TMEM255B: variants seen among roughly 807,000 people sequenced by gnomAD.
TMEM255B encodes the protein transmembrane protein 255B.
A neutral mutation model predicts 34.5 loss-of-function variants in TMEM255B; 35 were observed. That is an observed-to-expected ratio of 1.01 (90% CI 0.77 to 1.34). The LOEUF is 1.34. TMEM255B is among the 40% of genes most tolerant of loss of function. The pLI, the probability that TMEM255B is intolerant of heterozygous loss-of-function variation, is 0.00. For missense variants in TMEM255B, 432 were observed against 433.2 expected (o/e 1.00, Z 0.02); for synonymous variants, 206 against 201.2 (o/e 1.02, Z -0.20).
At chr13:113,774,441 G>A (rs1276293514) in intron 3 of TMEM255B, among the ~76,000 whole-genome samples, 4 of 152,170 alleles carry the variant, frequency 2.6e-5, no homozygotes, top group African/African-American at 7.2e-5. Flanking sequence ...ATGGGAAAGG[G>A]AAGGGCATAA....
At chr13:113,790,481 A>G (rs1197313973) in intron 3 of TMEM255B, among the ~76,000 whole-genome samples, 1 of 90,866 alleles carries the variant, frequency 1.1e-5, no homozygotes. Flanking sequence ...TAGACATCCT[A>G]GCACTGAACT....
At chr13:113,777,171 C>T (rs760163902) in intron 3 of TMEM255B, among the ~76,000 whole-genome samples, 11 of 152,238 alleles carry the variant, frequency 7.2e-5, no homozygotes, top group Middle Eastern at 3.4e-3. Context: ...GTGGCCACTC[C>T]GCAGGGAGTT....
chr13:113,801,782 C>T lies in TMEM255B; in HGVS notation c.639C>T (p.Thr213=), dbSNP rs140352522. Residue 213 remains threonine, a synonymous_variant, in exon 7 of 9, where the codon ACC becomes ACT. Coordinates refer to ENST00000375353, the MANE Select transcript of TMEM255B (RefSeq NM_182614.4). ...NVLGLFLGII[T]AAVLGAFKDM... ...TGGGCCTGTTCCTGGGCATCATCAC[C>T]GCCGCCGTCCTGGGGGCCTTCAAGG... is the stretch of plus-strand genomic sequence containing the variant. 7.5e-5 allele frequency: 121 copies of T among 1,611,720 alleles called. No individual in the cohort carries two copies. In the African/African-American group the frequency reaches 9.1e-4, roughly 12 times the overall value.
At chr13:113,804,053 A>T (rs2051117608) in intron 7 of TMEM255B, among the ~76,000 whole-genome samples, 1 of 151,556 alleles carries the variant, frequency 6.6e-6, no homozygotes, top group Non-Finnish European at 1.5e-5. Flanking sequence ...GGGCTGGGGA[A>T]GGTGGAGGGG....
intron 1 of TMEM255B, among the ~76,000 whole-genome samples, chr13:113,763,152 T>C (rs555004982): frequency 3.3e-5 from 5 of 152,300 alleles, no homozygotes; most frequent in African/African-American, 9.6e-5. Flanking sequence ...CCTCTGGTCA[T>C]GATCAAATGA....
intron 3 of TMEM255B, among the ~76,000 whole-genome samples, chr13:113,779,473 T>G (rs1216427595): frequency 6.6e-6 from 1 of 151,672 alleles, no homozygotes; most frequent in Non-Finnish European, 1.5e-5. Flanking sequence ...CTCTCTGTTT[T>G]GGGGGCGTAG....
At chr13:113,762,913 C>T (rs1408351279) in intron 1 of TMEM255B, among the ~76,000 whole-genome samples, 6 of 152,238 alleles carry the variant, frequency 3.9e-5, no homozygotes, top group South Asian at 4.1e-4. Flanking sequence ...CAACAAAATC[C>T]TTTGAGAAGG....
intron 1 of TMEM255B, among the ~76,000 whole-genome samples, chr13:113,765,694 C>G (rs954174649): frequency 6.6e-6 from 1 of 152,226 alleles, no homozygotes; most frequent in Non-Finnish European, 1.5e-5. Flanking sequence ...GCCCCCTCCC[C>G]CACTGGGTGT....
In TMEM255B at chr13:113,773,650, T is replaced by A. The variant is rs188389537; in HGVS notation, c.252+4490T>A. On this transcript the variant is annotated intron_variant, in intron 3 of 8. Coordinates refer to ENST00000375353, the MANE Select transcript of TMEM255B (RefSeq NM_182614.4). ...CAGGAGAGGCATTCTTCTGGGCTGA[T>A]GTTGTATGGTGAACCCATATTTCAC... Among the ~76,000 whole-genome samples the A allele has an allele frequency of 4.9e-3, 739 of 152,360 alleles. 10 individuals are homozygous for A. Among genetic ancestry groups the A allele is most frequent in the African/African-American group, 0.017 (699 of 41,582 alleles).
rs550664387 is a variant in TMEM255B, at chr13:113,759,371, G to A, written c.46+56G>A. Reference sequence around the variant, plus strand: ...TCCTGCGGGGGAGCGTGGGGACCCCGGGGCTGGGACTACAGGTCCCCGGCC... The same window carrying A: ...TCCTGCGGGGGAGCGTGGGGACCCCAGGGCTGGGACTACAGGTCCCCGGCC... On this transcript the variant is annotated intron_variant, in intron 1 of 8. Transcript: ENST00000375353. 652 of 1,225,540 alleles carry A rather than the reference G, an allele frequency of 5.3e-4. 13 individuals are homozygous for A. The South Asian group carries it at 0.019, about 36-fold the overall frequency. The allele number at this position is 1,225,540 out of a possible 1,614,324, so 75.9% of individuals were successfully genotyped here.
At chr13:113,779,404 A>C (rs2050632509) in intron 3 of TMEM255B, among the ~76,000 whole-genome samples, 1 of 152,198 alleles carries the variant, frequency 6.6e-6, no homozygotes, top group African/African-American at 2.4e-5. Context: ...TTGGGGGCTT[A>C]GAGGCAGCAT....
intron 1 of TMEM255B, among the ~76,000 whole-genome samples, chr13:113,764,779 C>T (rs1007063210): frequency 9.8e-5 from 15 of 152,302 alleles, no homozygotes; most frequent in Non-Finnish European, 1.3e-4. Context: ...TGTGTCTATG[C>T]AGCAACATGT....
chr13:113,791,130 C>T (rs1352257997), intron 3 of TMEM255B, among the ~76,000 whole-genome samples: 1 of 152,196 alleles, frequency 6.6e-6, no homozygotes, highest in African/African-American at 2.4e-5. Flanking sequence ...ATGAACACCT[C>T]TCAACGGTCT....
chr13:113,786,942 A>G (rs1000657312), intron 3 of TMEM255B, among the ~76,000 whole-genome samples: 1 of 152,204 alleles, frequency 6.6e-6, no homozygotes, highest in Non-Finnish European at 1.5e-5. Context: ...CAGGCTCACT[A>G]GTTACACATG....
chr13:113,796,493 TACACACACCACACAGAGCACACAGC>T (rs1196056228), intron 4 of TMEM255B, among the ~76,000 whole-genome samples: 56 of 58,378 alleles, frequency 9.6e-4, no homozygotes, highest in Non-Finnish European at 1.8e-3. Context: ...CCACACACAC[TACACACACCACACAGAGCACACAGC>T]ACACACACCA....
At chr13:113,792,546 T>C (rs145386245) in intron 3 of TMEM255B, among the ~76,000 whole-genome samples, 2 of 152,234 alleles carry the variant, frequency 1.3e-5, no homozygotes, top group Non-Finnish European at 2.9e-5. Flanking sequence ...AATGAGGCCT[T>C]CCTTGTGTGT....
intron 5 of TMEM255B, 119 bp downstream of exon 5, chr13:113,799,538 C>A: frequency 1.1e-6 from 1 of 929,778 alleles, no homozygotes; most frequent in Non-Finnish European, 1.7e-6. Context: ...TCCTGGGGGT[C>A]ACCCCTGCAG....
At position 113,812,928 on chromosome 13, in the gene TMEM255B, T is replaced by TGGGTCACAGGTCCTGGGTGGGTCACAGGC. The variant is rs1566341899; in HGVS notation, c.*1025_*1026insGGGTCACAGGTCCTGGGTGGGTCACAGGC. On this transcript the variant is annotated 3_prime_UTR_variant, in exon 9 of 9. Transcript: ENST00000375353. ...TCACAGGCCCCGGGTGAGTCACGGG[T>TGGGTCACAGGTCCTGGGTGGGTCACAGGC]CCCGGGTGGGTCACGGGTCCCGGGT... The TGGGTCACAGGTCCTGGGTGGGTCACAGGC allele has an allele frequency of 9.1e-6, 1 of 109,448 alleles. No individual in the cohort carries two copies. Among genetic ancestry groups the TGGGTCACAGGTCCTGGGTGGGTCACAGGC allele is most frequent in the African/African-American group, 4.2e-5 (1 of 23,790 alleles). The allele number at this position is 109,448 out of a possible 1,614,324, so 6.8% of individuals were successfully genotyped here.
At chr13:113,811,291 G>C (rs34280188) in intron 8 of TMEM255B, among the ~76,000 whole-genome samples, 11,287 of 116,974 alleles carry the variant, frequency 0.096, 830 homozygotes, top group Middle Eastern at 0.22. Context: ...GTGGGGGCCC[G>C]TGAGAGTGGG....
Sources: gnomAD v4.1 joint callset for allele counts (sites outside exome capture counted in the v4.1 genomes callset) on GRCh38, gnomAD v4.1.1 for gene constraint, MANE v1.5 for transcripts, NCBI Gene and HGNC (gene_info 2026-07-23, HGNC 2026-07-21) for gene names.